Variants in ZC2HC1B observed in about 807,000 individuals in gnomAD.
ZC2HC1B encodes the protein zinc finger C2HC-type containing 1B.
A neutral mutation model predicts 31.0 loss-of-function variants in ZC2HC1B; 36 were observed. That is an observed-to-expected ratio of 1.16 (90% CI 0.89 to 1.54). ZC2HC1B has a LOEUF of 1.54. Among genes scored for constraint, ZC2HC1B ranks in the 40% most tolerant of loss-of-function variants. The pLI is 0.00. For synonymous variants in ZC2HC1B, 73 were observed against 88.0 expected (o/e 0.83, Z 0.95); for missense variants, 260 against 268.6 (o/e 0.97, Z 0.22).
rs557142256 is a variant in ZC2HC1B, at chr6:143,918,459, A to G, written c.598+15307A>G. On this transcript the variant is annotated intron_variant, in intron 6 of 7. Coordinates refer to ENST00000237275, the MANE Select transcript of ZC2HC1B (RefSeq NM_001013623.3). The surrounding 1 kb of genome is among the most constrained non-coding windows in gnomAD (Gnocchi z 4.1). The stretch of plus-strand genomic sequence containing the variant: ...TTATTGAACATTCCTGGTTTGTGAC[A>G]GGTCATTTTTTTTCTTGCTACTCTG... 6.6e-6 allele frequency among the ~76,000 whole-genome samples: 1 copy of G among 152,024 alleles called. No individual in the cohort carries two copies. Among genetic ancestry groups the G allele is most frequent in the African/African-American group, 2.4e-5 (1 of 41,460 alleles).
chr6:143,864,505 A>C lies in ZC2HC1B; in HGVS notation c.-35A>C. On this transcript the variant is annotated 5_prime_UTR_variant, in exon 1 of 8. Transcript: ENST00000237275. ...ATGTTATCTGGACTGGGCTGTAAAAATCTGTGAACACTGTTGCTCTGAGTT... is the reference window on the plus strand; with the variant it reads ...ATGTTATCTGGACTGGGCTGTAAAACTCTGTGAACACTGTTGCTCTGAGTT... 3 of 1,551,386 alleles carry C rather than the reference A, an allele frequency of 1.9e-6. No individual in the cohort carries two copies. The highest frequency in any genetic ancestry group is 2.6e-6 in the Non-Finnish European group (3 of 1,146,764).
Position 143,908,038 on chromosome 6 carries a change from C to A in ZC2HC1B, c.598+4886C>A, listed in dbSNP as rs1777816600. Among the ~76,000 whole-genome samples, 1 of 152,156 alleles carries A rather than the reference C, an allele frequency of 6.6e-6. No homozygotes were observed. Among genetic ancestry groups the A allele is most frequent in the Non-Finnish European group, 1.5e-5 (1 of 68,006 alleles). ...AGCACCATTTATTAAATAAAGAATT[C>A]TTTCCCCATTGCTTGTTTTTGTCAG... On this transcript the variant is annotated intron_variant, in intron 6 of 7. Transcript: ENST00000237275. This position sits in a 1 kb window ranked among gnomAD's most constrained non-coding sequence, Gnocchi z 4.4.
chr6:143,871,639 G>A lies in ZC2HC1B; in HGVS notation c.28+7072G>A, dbSNP rs2128493133. Reference sequence around the variant, plus strand: ...GGGAGAGTTGAACAGGGATGTGGTAGGAATCACCACCCTGAGTCTTTCAAG... The same window carrying A: ...GGGAGAGTTGAACAGGGATGTGGTAAGAATCACCACCCTGAGTCTTTCAAG... On this transcript the variant is annotated intron_variant, in intron 1 of 7. Coordinates refer to ENST00000237275, the MANE Select transcript of ZC2HC1B (RefSeq NM_001013623.3). The surrounding 1 kb of genome is among the most constrained non-coding windows in gnomAD (Gnocchi z 4.1). 6.6e-6 allele frequency among the ~76,000 whole-genome samples: 1 copy of A among 152,306 alleles called. No homozygotes were observed. Among genetic ancestry groups the A allele is most frequent in the South Asian group, 2.1e-4 (1 of 4,826 alleles).
rs916275182 is a variant in ZC2HC1B, at chr6:143,913,715, T to G, written c.598+10563T>G. On this transcript the variant is annotated intron_variant, in intron 6 of 7. Transcript: ENST00000237275. This position sits in a 1 kb window ranked among gnomAD's most constrained non-coding sequence, Gnocchi z 5.7. ...ACAAGGGGATCTCCTGATCCACAGGTTGCAAAGATTCATGGGAGAAGCATG... is the reference window on the plus strand; with the variant it reads ...ACAAGGGGATCTCCTGATCCACAGGGTGCAAAGATTCATGGGAGAAGCATG... Among the ~76,000 whole-genome samples, 1 of 152,152 alleles carries G rather than the reference T, an allele frequency of 6.6e-6. No individual in the cohort carries two copies. The highest frequency in any genetic ancestry group is 2.1e-4 in the South Asian group (1 of 4,824).
intron 4 of ZC2HC1B, among the ~76,000 whole-genome samples, chr6:143,894,079 TA>T (rs1354623144): frequency 2.0e-5 from 3 of 152,178 alleles, no homozygotes; most frequent in Admixed American, 2.0e-4. Context: ...AACATGTCCA[TA>T]AAAAAGATTT....
Position 143,920,056 on chromosome 6 carries a change from C to CT in ZC2HC1B, c.598+16910dup, listed in dbSNP as rs201671342. Among the ~76,000 whole-genome samples the CT allele has an allele frequency of 5.8e-3, 887 of 152,046 alleles. 12 individuals are homozygous for CT. The highest frequency in any genetic ancestry group is 0.019 in the African/African-American group (783 of 41,464). On this transcript the variant is annotated intron_variant, in intron 6 of 7. Coordinates refer to ENST00000237275, the MANE Select transcript of ZC2HC1B (RefSeq NM_001013623.3). The stretch of plus-strand genomic sequence containing the variant: ...ATTTGGTAAAACTTTTACCAATAAG[C>CT]TTTTTTCTAAAGTACAATGCTTAGT...
rs1777987581 is a variant in ZC2HC1B, at chr6:143,921,734, A to AGCCTGGGCAACATAGCAAGACCC, written c.599-15914_599-15892dup. On this transcript the variant is annotated intron_variant, in intron 6 of 7. Coordinates refer to ENST00000237275, the MANE Select transcript of ZC2HC1B (RefSeq NM_001013623.3). This position sits in a 1 kb window ranked among gnomAD's most constrained non-coding sequence, Gnocchi z 6.1. Reference sequence around the variant, plus strand: ...CACTGGATGCCAGAAGTTCAAGACCAGCCTGGGCAACATAGCAAGACCCTG... The same window carrying AGCCTGGGCAACATAGCAAGACCC: ...CACTGGATGCCAGAAGTTCAAGACCAGCCTGGGCAACATAGCAAGACCCGCCTGGGCAACATAGCAAGACCCTG... Among the ~76,000 whole-genome samples the AGCCTGGGCAACATAGCAAGACCC allele has an allele frequency of 6.6e-6, 1 of 152,216 alleles. No homozygotes were observed. The highest frequency in any genetic ancestry group is 2.4e-5 in the African/African-American group (1 of 41,452).
At chr6:143,882,333 TTTA>T (rs1352842391) in intron 1 of ZC2HC1B, among the ~76,000 whole-genome samples, 1 of 100,076 alleles carries the variant, frequency 1.0e-5, no homozygotes, top group Non-Finnish European at 1.9e-5. Context: ...TTTTATATTT[TTTA>T]TATATATATA....
rs924647402 is a variant in ZC2HC1B at position 143,868,162 on chromosome 6, G to A, written c.28+3595G>A. ...ATTTGTATCTGATTTTTCTTTGGAA[G>A]TCTGTAGAATCTGTCTTCACTGTTC... On this transcript the variant is annotated intron_variant, in intron 1 of 7. Transcript: ENST00000237275. This position sits in a 1 kb window ranked among gnomAD's most constrained non-coding sequence, Gnocchi z 4.2. Among the ~76,000 whole-genome samples the A allele has an allele frequency of 1.3e-5, 2 of 152,192 alleles. No individual in the cohort carries two copies. Among genetic ancestry groups the A allele is most frequent in the African/African-American group, 4.8e-5 (2 of 41,436 alleles).
intron 1 of ZC2HC1B, among the ~76,000 whole-genome samples, chr6:143,874,771 AT>A (rs1367976186): frequency 1.3e-5 from 2 of 152,178 alleles, no homozygotes; most frequent in African/African-American, 2.4e-5. Context: ...CAGAGATACA[AT>A]TCAAGTTGAG....
rs1777497546 is a variant in ZC2HC1B, at chr6:143,883,688, A to G, written c.29-616A>G. Among the ~76,000 whole-genome samples the G allele has an allele frequency of 6.6e-6, 1 of 152,146 alleles. No individual in the cohort carries two copies. The highest frequency in any genetic ancestry group is 2.4e-5 in the African/African-American group (1 of 41,434). ...TTGCTTTTCTCATGATACTTTTCCA[A>G]TGTCATTAATTTATCTGCATACTTT... On this transcript the variant is annotated intron_variant, in intron 1 of 7. Coordinates refer to ENST00000237275, the MANE Select transcript of ZC2HC1B (RefSeq NM_001013623.3). The surrounding 1 kb of genome is among the most constrained non-coding windows in gnomAD (Gnocchi z 4.1).
intron 1 of ZC2HC1B, among the ~76,000 whole-genome samples, chr6:143,879,668 A>G (rs1444085184): frequency 1.3e-5 from 2 of 152,158 alleles, no homozygotes; most frequent in African/African-American, 4.8e-5. Context: ...TTAGTTCTCT[A>G]CAAAGCATTC....
rs990025104 is a variant in ZC2HC1B, at chr6:143,934,071, C to T, written c.599-3578C>T. ...CTGCTGCTTCTACTTTTACATTTCA[C>T]AGCAAATCAATTTCAGCTCTAGGTA... On this transcript the variant is annotated intron_variant, in intron 6 of 7. Transcript: ENST00000237275. This position sits in a 1 kb window ranked among gnomAD's most constrained non-coding sequence, Gnocchi z 4.6. Among the ~76,000 whole-genome samples the T allele has an allele frequency of 1.3e-5, 2 of 152,230 alleles. No individual in the cohort carries two copies. The highest frequency in any genetic ancestry group is 1.3e-4 in the Admixed American group (2 of 15,290).
intron 6 of ZC2HC1B, among the ~76,000 whole-genome samples, chr6:143,927,891 T>C (rs1339571449): frequency 2.0e-5 from 3 of 152,232 alleles, no homozygotes; most frequent in Non-Finnish European, 4.4e-5. Flanking sequence ...TGATTAGTGA[T>C]GTTGAATATT....
intron 6 of ZC2HC1B, among the ~76,000 whole-genome samples, chr6:143,931,865 T>TTC (rs145473984): frequency 7.9e-5 from 2 of 25,220 alleles, no homozygotes; most frequent in East Asian, 1.8e-3. Context: ...CTTCTTCTTC[T>TTC]TTTTTTTTTT....
chr6:143,908,587 T>G lies in ZC2HC1B; in HGVS notation c.598+5435T>G, dbSNP rs1243229501. ...ATTTGGCTCTCAGCTTGCCTGTTGT[T>G]TGTGTATAGGAATGCTAGCAATTTT... On this transcript the variant is annotated intron_variant, in intron 6 of 7. Transcript: ENST00000237275. This position sits in a 1 kb window ranked among gnomAD's most constrained non-coding sequence, Gnocchi z 4.4. Among the ~76,000 whole-genome samples the G allele has an allele frequency of 3.9e-5, 6 of 152,216 alleles. No individual in the cohort carries two copies. Among genetic ancestry groups the G allele is most frequent in the African/African-American group, 1.4e-4 (6 of 41,456 alleles).
chr6:143,915,382 G>T lies in ZC2HC1B; in HGVS notation c.598+12230G>T, dbSNP rs1777905392. On this transcript the variant is annotated intron_variant, in intron 6 of 7. Coordinates refer to ENST00000237275, the MANE Select transcript of ZC2HC1B (RefSeq NM_001013623.3). The surrounding 1 kb of genome is among the most constrained non-coding windows in gnomAD (Gnocchi z 5.2). ...ACTTCTTTCTTTTGTAAATTGCCCA[G>T]CCTTGGGTATGTCTTTTTCGGCAGC... Among the ~76,000 whole-genome samples, 1 of 152,170 alleles carries T rather than the reference G, an allele frequency of 6.6e-6. No homozygotes were observed. The highest frequency in any genetic ancestry group is 1.5e-5 in the Non-Finnish European group (1 of 68,040).
intron 6 of ZC2HC1B, among the ~76,000 whole-genome samples, chr6:143,925,551 T>G (rs1042920756): frequency 1.3e-5 from 2 of 149,894 alleles, no homozygotes; most frequent in African/African-American, 4.9e-5. Flanking sequence ...TTTTTTTTTT[T>G]TTGAGACGGA....
At position 143,883,723 on chromosome 6, in the gene ZC2HC1B, C is replaced by G. The variant is rs1341870476; in HGVS notation, c.29-581C>G. 6.6e-6 allele frequency among the ~76,000 whole-genome samples: 1 copy of G among 152,042 alleles called. No homozygotes were observed. Among genetic ancestry groups the G allele is most frequent in the Non-Finnish European group, 1.5e-5 (1 of 67,984 alleles). Reference sequence around the variant, plus strand: ...TTTATCTGCATACTTTTTTTCTGTGCTGGTCCCATGTATGATTTCTCCCAA... The same window carrying G: ...TTTATCTGCATACTTTTTTTCTGTGGTGGTCCCATGTATGATTTCTCCCAA... On this transcript the variant is annotated intron_variant, in intron 1 of 7. Coordinates refer to ENST00000237275, the MANE Select transcript of ZC2HC1B (RefSeq NM_001013623.3). This position sits in a 1 kb window ranked among gnomAD's most constrained non-coding sequence, Gnocchi z 4.1.
Sources: gnomAD v4.1 joint callset for allele counts (sites outside exome capture counted in the v4.1 genomes callset) on GRCh38, gnomAD v4.1.1 for gene constraint, Gnocchi (gnomAD v3.1) non-coding constraint, MANE v1.5 for transcripts, NCBI Gene and HGNC (gene_info 2026-07-23, HGNC 2026-07-21) for gene names.